Variants in CFTR observed in about 807,000 individuals in gnomAD.
CFTR encodes the protein cystic fibrosis transmembrane conductance regulator.
A neutral mutation model predicts 171.6 loss-of-function variants in CFTR; 181 were observed. The ratio of observed to expected loss-of-function variants is 1.05; its 90% CI spans 0.93 to 1.19. CFTR has a LOEUF of 1.19. CFTR is among the 50% of genes most tolerant of loss of function. The pLI, the probability that CFTR is intolerant of heterozygous loss-of-function variation, is 0.00. For synonymous variants in CFTR, 583 were observed against 608.0 expected (o/e 0.96, Z 0.60); for missense variants, 1,968 against 1,734.7 (o/e 1.13, Z -2.39).
chr7:117,645,264 A>G (rs1030657905), intron 23 of CFTR, among the ~76,000 whole-genome samples: 20 of 152,230 alleles, frequency 1.3e-4, no homozygotes, highest in African/African-American at 4.8e-4. Flanking sequence ...GCTTAACATT[A>G]TAAGTATGAT....
At chr7:117,599,288 T>A (rs1437374957) in intron 15 of CFTR, among the ~76,000 whole-genome samples, 1 of 152,176 alleles carries the variant, frequency 6.6e-6, no homozygotes, top group Non-Finnish European at 1.5e-5. Flanking sequence ...CTTATCTGAA[T>A]GTGGTAGTGA....
rs141236883 is a variant in CFTR, at chr7:117,568,533, G to A, written c.1584+8878G>A. On this transcript the variant is annotated intron_variant, in intron 11 of 26. Transcript: ENST00000003084. ...TTGGTCACTATTTGGTATAGAAGGG[G>A]AAAAAAGATGTCAAAGATGATGCCA... is the stretch of plus-strand genomic sequence containing the variant. Among the ~76,000 whole-genome samples the A allele has an allele frequency of 9.9e-5, 15 of 151,806 alleles. No homozygotes were observed. The East Asian group carries it at 2.1e-3, about 22-fold the overall frequency.
At chr7:117,484,386 C>T (rs899313406) in intron 1 of CFTR, among the ~76,000 whole-genome samples, 1 of 152,208 alleles carries the variant, frequency 6.6e-6, no homozygotes, top group Non-Finnish European at 1.5e-5. Context: ...TCAATGAGGA[C>T]AGCCCAGGGT....
At chr7:117,605,230 T>C (rs1792283802) in intron 17 of CFTR, among the ~76,000 whole-genome samples, 1 of 152,182 alleles carries the variant, frequency 6.6e-6, no homozygotes, top group South Asian at 2.1e-4. Flanking sequence ...AGCACCAGGA[T>C]GGTTTTTTCT....
intron 12 of CFTR, among the ~76,000 whole-genome samples, chr7:117,589,670 C>T (rs774244351): frequency 6.6e-6 from 1 of 152,006 alleles, no homozygotes; most frequent in Admixed American, 6.6e-5. Flanking sequence ...CTTACTCATA[C>T]TTTCCTTATT....
chr7:117,523,666 C>T (rs560875883), intron 3 of CFTR, among the ~76,000 whole-genome samples: 62 of 152,246 alleles, frequency 4.1e-4, no homozygotes, highest in African/African-American at 1.5e-3. Context: ...CGTGAGCCAC[C>T]GCGCCCGGCC....
At chr7:117,635,224 G>A (rs1203837734) in intron 22 of CFTR, among the ~76,000 whole-genome samples, 3 of 152,050 alleles carry the variant, frequency 2.0e-5, no homozygotes, top group East Asian at 1.9e-4. Flanking sequence ...TCCTCGCCCT[G>A]ATGTCTGTTC....
At position 117,504,276 on chromosome 7, in the gene CFTR, A is replaced by C; in HGVS notation, c.77A>C (p.Lys26Thr). The C allele has an allele frequency of 6.2e-7, 1 of 1,610,688 alleles. No individual in the cohort carries two copies. Among genetic ancestry groups the C allele is most frequent in the Non-Finnish European group, 8.5e-7 (1 of 1,176,980 alleles). The change falls in exon 2 of 27, where the codon AAA becomes ACA. Residue 26 changes from lysine (K) to threonine (T), a missense_variant. Physicochemically the swap from Lys to Thr is moderately conservative, Grantham distance 78. Coordinates refer to ENST00000003084, the MANE Select transcript of CFTR (RefSeq NM_000492.4). ...AGCTGGACCAGACCAATTTTGAGGA[A>C]AGGATACAGACAGCGCCTGGAATTG... ...FFSWTRPILR[K>T]GYRQRLELSD...
intron 1 of CFTR, among the ~76,000 whole-genome samples, chr7:117,500,007 G>A (rs1448673745): frequency 6.6e-6 from 1 of 152,106 alleles, no homozygotes; most frequent in Non-Finnish European, 1.5e-5. Flanking sequence ...TTGCTTTTTG[G>A]TTATTCCAGG....
chr7:117,532,768 C>T (rs1197086185), intron 4 of CFTR, among the ~76,000 whole-genome samples: 1 of 152,028 alleles, frequency 6.6e-6, no homozygotes, highest in Non-Finnish European at 1.5e-5. Context: ...GTGTTCTTGC[C>T]CAGTTTGCTT....
chr7:117,606,637 G>A, intron 17 of CFTR, 37 bp from the exon 18 acceptor site: 1 of 1,092,826 alleles, frequency 9.2e-7, no homozygotes, highest in Non-Finnish European at 1.4e-6. Context: ...TAAAAAATTA[G>A]TGTTTTTTGA....
intron 23 of CFTR, among the ~76,000 whole-genome samples, chr7:117,652,396 C>T (rs1187496289): frequency 1.3e-5 from 2 of 152,130 alleles, no homozygotes; most frequent in African/African-American, 2.4e-5. Flanking sequence ...CCTTAGGAAG[C>T]TAGGCTTATC....
chr7:117,505,861 A>T (rs954031967), intron 2 of CFTR, among the ~76,000 whole-genome samples: 3 of 152,264 alleles, frequency 2.0e-5, no homozygotes, highest in African/African-American at 7.2e-5. Context: ...ATTAAACTTT[A>T]TTTTTATTGA....
intron 11 of CFTR, among the ~76,000 whole-genome samples, chr7:117,579,290 A>C (rs922586046): frequency 6.6e-6 from 1 of 151,976 alleles, no homozygotes; most frequent in African/African-American, 2.4e-5. Flanking sequence ...CCCTCTCCAA[A>C]TATATGCACA....
rs1299482973 is a variant in CFTR, at chr7:117,592,470, C to T, written c.2303C>T (p.Ser768Phe). 6.4e-7 allele frequency: 1 copy of T among 1,566,492 alleles called. No homozygotes were observed. The highest frequency in any genetic ancestry group is 1.9e-5 in the Admixed American group (1 of 51,922). Residue 768 changes from serine to phenylalanine, a missense_variant, in exon 14 of 27, where the codon TCT (serine) becomes TTT (phenylalanine). By Grantham distance (155) the Ser-to-Phe change is radical. Transcript: ENST00000003084. The part of the protein sequence containing the change: ...GPTLQARRRQ[S>F]VLNLMTHSVN... ...ACGCTTCAGGCACGAAGGAGGCAGT[C>T]TGTCCTGAACCTGATGACACACTCA...
intron 21 of CFTR, among the ~76,000 whole-genome samples, chr7:117,619,814 A>G (rs1792547337): frequency 2.0e-5 from 3 of 152,152 alleles, no homozygotes; most frequent in Non-Finnish European, 4.4e-5. Context: ...GGCTCTAGAA[A>G]GTTCTTCCAA....
intron 13 of CFTR, among the ~76,000 whole-genome samples, 153 bp downstream of exon 13, chr7:117,590,592 G>T (rs989115382): frequency 1.3e-5 from 2 of 151,974 alleles, no homozygotes; most frequent in Admixed American, 1.3e-4. Flanking sequence ...AATCTGATCT[G>T]CCCTACTGGG....
In CFTR at chr7:117,595,044, A is replaced by G; in HGVS notation, c.2605A>G (p.Ile869Val). 1 of 1,612,422 alleles carries G rather than the reference A, an allele frequency of 6.2e-7. No individual in the cohort carries two copies. Among genetic ancestry groups the G allele is most frequent in the South Asian group, 1.1e-5 (1 of 91,040 alleles). The change falls in exon 15 of 27, where the codon ATT becomes GTT. Residue 869 changes from isoleucine to valine, a missense_variant. Physicochemically the swap from Ile to Val is conservative, Grantham distance 29. Coordinates refer to ENST00000003084, the MANE Select transcript of CFTR (RefSeq NM_000492.4). ...LIFVLIWCLV[I>V]FLAEVAASLV... The stretch of plus-strand genomic sequence containing the variant: ...TTTTGTGCTAATTTGGTGCTTAGTA[A>G]TTTTTCTGGCAGAGGTAAGAATGTT...
At chr7:117,512,712 A>G (rs1401006833) in intron 3 of CFTR, among the ~76,000 whole-genome samples, 1 of 151,834 alleles carries the variant, frequency 6.6e-6, no homozygotes, top group Non-Finnish European at 1.5e-5. Flanking sequence ...GAGTCAGTCA[A>G]GGATAGTTTG....
Sources: allele counts gnomAD v4.1 joint callset (sites outside exome capture counted in the v4.1 genomes callset), GRCh38; gene constraint gnomAD v4.1.1; transcripts MANE v1.5; gene names NCBI Gene and HGNC (gene_info 2026-07-23, HGNC 2026-07-21).